The following SCML2 variants were observed in gnomAD, a reference collection of about 807,000 sequenced individuals.
SCML2 encodes the protein sex comb on midleg-like protein 2.
SCML2 carries 6 observed loss-of-function variants against 48.4 expected under a neutral mutation model. The ratio of observed to expected loss-of-function variants is 0.12; its 90% CI spans 0.07 to 0.24. The LOEUF is 0.24. Among genes scored for constraint, SCML2 ranks in the 10% least tolerant of loss-of-function variants. The pLI, the probability that SCML2 is intolerant of heterozygous loss-of-function variation, is 1.00. For synonymous variants in SCML2, 181 were observed against 189.5 expected (o/e 0.95, Z 0.37); for missense variants, 377 against 528.2 (o/e 0.71, Z 2.81).
chrX:18,331,649 T>C (rs1175856390), intron 2 of SCML2, among the ~76,000 whole-genome samples: 1 of 112,293 alleles, frequency 8.9e-6, no homozygotes. Flanking sequence ...TCTTAACTAT[T>C]TTTAGTGTGT....
rs866310059 is a variant in SCML2, at chrX:18,267,073, C to T, written c.731-1271G>A. ...TCTTCATCTTAAGGAATCTGACCAT[C>T]GTACTCTTGGATGCTTCATCATCCT... is the stretch of plus-strand genomic sequence containing the variant. On this transcript the variant is annotated intron_variant, in intron 7 of 14. Coordinates refer to ENST00000251900, the MANE Select transcript of SCML2 (RefSeq NM_006089.3). 4.5e-5 allele frequency among the ~76,000 whole-genome samples: 5 copies of T among 112,226 alleles called. No homozygotes were observed. In the South Asian group the frequency reaches 1.1e-3, roughly 25 times the overall value.
intron 8 of SCML2, among the ~76,000 whole-genome samples, chrX:18,263,812 GTT>G (rs770262640): frequency 1.1e-5 from 1 of 94,086 alleles, no homozygotes; most frequent in African/African-American, 3.8e-5. Flanking sequence ...CAGGTTGATA[GTT>G]TTTTTTTTTT....
chrX:18,289,468 G>A (rs1031631978), intron 7 of SCML2, among the ~76,000 whole-genome samples: 1 of 111,698 alleles, frequency 9.0e-6, no homozygotes, highest in African/African-American at 3.3e-5. Flanking sequence ...CCAAACAAGA[G>A]TACTGAATAT....
chrX:18,352,682 G>A (rs1930412350), intron 1 of SCML2, among the ~76,000 whole-genome samples: 1 of 111,857 alleles, frequency 8.9e-6, no homozygotes, highest in African/African-American at 3.2e-5. Context: ...CAGCACAGGT[G>A]CTTAATAAAG....
At chrX:18,312,795 G>A (rs991942112) in intron 6 of SCML2, among the ~76,000 whole-genome samples, 3 of 111,304 alleles carry the variant, frequency 2.7e-5, no homozygotes, top group Admixed American at 9.6e-5. Flanking sequence ...ATGTAGAGTA[G>A]GTAGCTGGAT....
chrX:18,324,560 G>A (rs1929421696), intron 4 of SCML2, among the ~76,000 whole-genome samples: 1 of 111,547 alleles, frequency 9.0e-6, no homozygotes, highest in Non-Finnish European at 1.9e-5. Context: ...ATTCTTTCAT[G>A]CCCATGTGCC....
intron 7 of SCML2, among the ~76,000 whole-genome samples, chrX:18,288,338 T>A (rs1420100551): frequency 9.0e-6 from 1 of 111,723 alleles, no homozygotes; most frequent in African/African-American, 3.2e-5. Flanking sequence ...AAGCATTTAC[T>A]GTCACATCCC....
intron 1 of SCML2, among the ~76,000 whole-genome samples, chrX:18,342,656 G>A (rs1043355565): frequency 5.6e-5 from 6 of 107,729 alleles, no homozygotes; most frequent in Admixed American, 1.0e-4. Context: ...AGGTTGTAGT[G>A]AGCCGAGATC....
chrX:18,253,986 G>C (rs778733668), intron 11 of SCML2, among the ~76,000 whole-genome samples: 1 of 111,789 alleles, frequency 8.9e-6, no homozygotes, highest in African/African-American at 3.2e-5. Flanking sequence ...CAGGACAGTA[G>C]GTATCCTTGT....
intron 9 of SCML2, 147 bp downstream of exon 9, chrX:18,260,024 A>G: frequency 2.5e-6 from 1 of 403,091 alleles, no homozygotes; most frequent in Non-Finnish European, 4.0e-6. Flanking sequence ...GAATTTCAAA[A>G]TACTTTAATA....
In SCML2 at chrX:18,239,449, G is replaced by A. The variant is rs1926190792; in HGVS notation, c.*1802C>T. 1 of 112,715 alleles carries A rather than the reference G, an allele frequency of 8.9e-6. No homozygotes were observed. The highest frequency in any genetic ancestry group is 9.4e-5 in the Admixed American group (1 of 10,636). 9.3% of individuals were successfully genotyped at this position (112,715 alleles called of 1,213,427 possible). ...CAACTTGAAAGAAGACCAAGTTTAA[G>A]TAAGAATCTTATGACATGTAAGGAA... On this transcript the variant is annotated 3_prime_UTR_variant, in exon 15 of 15. Coordinates refer to ENST00000251900, the MANE Select transcript of SCML2 (RefSeq NM_006089.3).
At chrX:18,335,274 T>C (rs181384820) in intron 1 of SCML2, among the ~76,000 whole-genome samples, 8 of 110,662 alleles carry the variant, frequency 7.2e-5, no homozygotes, top group Admixed American at 4.8e-4. Context: ...GAAGCCGAGG[T>C]GGGTGGATCA....
intron 7 of SCML2, among the ~76,000 whole-genome samples, chrX:18,287,632 T>A (rs1928100348): frequency 9.0e-6 from 1 of 111,690 alleles, no homozygotes; most frequent in Non-Finnish European, 1.9e-5. Context: ...TAAGTGACAA[T>A]GCCATTTTAA....
At chrX:18,330,245 T>TC (rs1258885890) in intron 3 of SCML2, among the ~76,000 whole-genome samples, 1 of 111,670 alleles carries the variant, frequency 9.0e-6, no homozygotes, top group Non-Finnish European at 1.9e-5. Flanking sequence ...AAAAAAGCTT[T>TC]CACATTGACT....
intron 7 of SCML2, among the ~76,000 whole-genome samples, chrX:18,300,920 C>G (rs1474804719): frequency 9.0e-6 from 1 of 111,113 alleles, no homozygotes; most frequent in Non-Finnish European, 1.9e-5. Flanking sequence ...AACTGGTACA[C>G]ACTTGATAAT....
intron 1 of SCML2, among the ~76,000 whole-genome samples, chrX:18,349,343 T>C (rs772619292): frequency 2.7e-5 from 3 of 112,578 alleles, no homozygotes; most frequent in Non-Finnish European, 5.6e-5. Context: ...TACTCACAGC[T>C]TATTCTATAA....
intron 4 of SCML2, 61 bp downstream of exon 4, chrX:18,324,846 C>A: frequency 1.2e-6 from 1 of 864,743 alleles, no homozygotes; most frequent in East Asian, 3.2e-5. Flanking sequence ...AACAATCACA[C>A]AGACGTCCTC....
intron 7 of SCML2, among the ~76,000 whole-genome samples, chrX:18,288,128 C>T (rs1351092253): frequency 9.0e-6 from 1 of 111,048 alleles, no homozygotes; most frequent in African/African-American, 3.3e-5. Flanking sequence ...AATTTTTAAA[C>T]CTTAGTATCT....
chrX:18,342,776 G>A (rs757280443), intron 1 of SCML2, among the ~76,000 whole-genome samples: 24 of 111,229 alleles, frequency 2.2e-4, no homozygotes, highest in South Asian at 7.4e-4. Flanking sequence ...CTCTGAACAA[G>A]TATGGACAAT....
Sources: allele counts gnomAD v4.1 joint callset (sites outside exome capture counted in the v4.1 genomes callset), GRCh38; gene constraint gnomAD v4.1.1; transcripts MANE v1.5; gene names NCBI Gene and HGNC (gene_info 2026-07-23, HGNC 2026-07-21).